Variants in PDZD7 observed in about 807,000 individuals in gnomAD.
PDZD7 encodes PDZ domain-containing protein 7.
In PDZD7, 72 loss-of-function variants were observed where a neutral mutation model predicts 84.7. That is an observed-to-expected ratio of 0.85 (90% CI 0.70 to 1.03). The LOEUF (loss-of-function observed/expected upper bound fraction) is 1.03, where lower values mean the gene tolerates loss of function less well. PDZD7 is among the 50% of genes least tolerant of loss of function. The probability of loss-of-function intolerance (pLI) is 0.00; values close to 1 mark genes in which losing one functional copy is unlikely to be tolerated. For synonymous variants in PDZD7, 594 were observed against 580.7 expected (o/e 1.02, Z -0.33); for missense variants, 1,490 against 1,412.9 (o/e 1.05, Z -0.87).
intron 8 of PDZD7, 92 bp downstream of exon 8, chr10:101,018,730 G>A: frequency 2.1e-6 from 3 of 1,449,232 alleles, no homozygotes; most frequent in Non-Finnish European, 2.7e-6. Flanking sequence ...CAAGGCCTGG[G>A]GCAAAGGGAG....
chr10:101,020,792 A>G, intron 6 of PDZD7, 114 bp from the exon 7 acceptor site: 1 of 786,944 alleles, frequency 1.3e-6, no homozygotes, highest in Non-Finnish European at 2.2e-6. Context: ...TCTGTCCTCC[A>G]AATTCATCAT....
Position 101,030,280 on chromosome 10 carries a change from C to T in PDZD7, c.-61G>A, listed in dbSNP as rs948024534. 2 of 1,443,798 alleles carry T rather than the reference C, an allele frequency of 1.4e-6. No individual in the cohort carries two copies. Among genetic ancestry groups the T allele is most frequent in the Admixed American group, 2.0e-5 (1 of 51,030 alleles). 89.4% of individuals were successfully genotyped at this position (1,443,798 alleles called of 1,614,324 possible). A position where few individuals can be genotyped will look rare whatever the true frequency, so the allele number is the denominator to read the frequency against. On this transcript the variant is annotated 5_prime_UTR_variant, in exon 2 of 17. Coordinates refer to ENST00000619208, the MANE Select transcript of PDZD7 (RefSeq NM_001195263.2). ...AAGGAATCTGCTAGCTCTGGAGAGG[C>T]CAGCCCTGCGTGCTTCGAGCTCCAT...
At chr10:101,012,104 G>A (rs1852414391) in intron 12 of PDZD7, 63 bp downstream of exon 12, 1 of 1,540,946 alleles carries the variant, frequency 6.5e-7, no homozygotes, top group South Asian at 1.2e-5. Context: ...GCCCTCGGGA[G>A]GTTGGGGGTG....
intron 5 of PDZD7, 36 bp from the exon 6 acceptor site, chr10:101,021,981 G>C: frequency 6.2e-7 from 1 of 1,612,628 alleles, no homozygotes; most frequent in Non-Finnish European, 8.5e-7. Context: ...ATAGGCCCCT[G>C]GCCTGCCCTC....
intron 2 of PDZD7, among the ~76,000 whole-genome samples, chr10:101,028,989 G>T (rs551747027): frequency 1.3e-5 from 2 of 152,366 alleles, no homozygotes; most frequent in East Asian, 3.9e-4. Context: ...TGCTGGGTCA[G>T]AGGGGGAGGA....
intron 2 of PDZD7, among the ~76,000 whole-genome samples, chr10:101,024,906 A>G (rs1215581925): frequency 6.6e-6 from 1 of 151,692 alleles, no homozygotes; most frequent in Non-Finnish European, 1.5e-5. Context: ...GGCCTGGGGT[A>G]AGCCAAATTA....
rs753244651 is a variant in PDZD7 at position 101,010,517 on chromosome 10, G to A, written c.2372C>T (p.Ser791Phe). Residue 791 changes from serine to phenylalanine, a missense_variant, in exon 15 of 17, where the codon TCT becomes TTT. Coordinates refer to ENST00000619208, the MANE Select transcript of PDZD7 (RefSeq NM_001195263.2). ...CGGGGATGGGGAGCGTCTACCTGGA[G>A]ACTTGCCTTGACCCCGGCTGCTGCG... ...RSRSSRGQGK[S>F]PGRRSPSPVP... 5.5e-5 allele frequency: 84 copies of A among 1,532,150 alleles called. No homozygotes were observed. In the African/African-American group the frequency reaches 8.5e-4, roughly 15 times the overall value. 94.9% of individuals were successfully genotyped at this position (1,532,150 alleles called of 1,614,324 possible).
At chr10:101,020,721 G>A in intron 6 of PDZD7, 43 bp from the exon 7 acceptor site, 1 of 1,490,716 alleles carries the variant, frequency 6.7e-7, no homozygotes, top group Non-Finnish European at 9.4e-7. Flanking sequence ...GGGGAGCAGT[G>A]AGGAGGGAGA....
At position 101,017,867 on chromosome 10, in the gene PDZD7, GAA is replaced by G. The variant is rs1197773962; in HGVS notation, c.1522+230_1522+231del. 18 of 418,532 alleles carry G rather than the reference GAA, an allele frequency of 4.3e-5. 1 individual carries two copies. Among genetic ancestry groups the G allele is most frequent in the Non-Finnish European group, 7.2e-5 (18 of 248,554 alleles). 25.9% of individuals were successfully genotyped at this position (418,532 alleles called of 1,614,324 possible). ...AGAAAGAAAGAAAGAAAGAAAGAAA[GAA>G]AGAAAGAAAGAAAGAAAGAAAGAAA... On this transcript the variant is annotated intron_variant, in intron 9 of 16. Transcript: ENST00000619208.
chr10:101,030,715 A>C (rs927133558), intron 1 of PDZD7: 4 of 249,060 alleles, frequency 1.6e-5, no homozygotes, highest in African/African-American at 9.0e-5. Flanking sequence ...AAGAGAGGTC[A>C]GGACAGCTCA....
intron 2 of PDZD7, among the ~76,000 whole-genome samples, chr10:101,028,875 A>G (rs1937880542): frequency 6.6e-6 from 1 of 152,174 alleles, no homozygotes; most frequent in African/African-American, 2.4e-5. Flanking sequence ...AGACTGGTGT[A>G]TGACAGGGGT....
At chr10:101,017,756 C>T (rs1195018362) in intron 9 of PDZD7, 16 of 531,938 alleles carry the variant, frequency 3.0e-5, no homozygotes, top group South Asian at 3.0e-4. Flanking sequence ...ATTACACTCT[C>T]GCCTGGGCAA....
rs1937990123 is a variant in PDZD7 at position 101,029,979 on chromosome 10, G to C, written c.226+15C>G. On this transcript the variant is annotated intron_variant, in intron 2 of 16. Coordinates refer to ENST00000619208, the MANE Select transcript of PDZD7 (RefSeq NM_001195263.2). ...CCCTCCCCAACCCAGGCCAGTGGCT[G>C]GGTCCCGCCCCTACCTTCGATGGGG... The C allele has an allele frequency of 6.3e-7, 1 of 1,593,704 alleles. No individual in the cohort carries two copies. Among genetic ancestry groups the C allele is most frequent in the Non-Finnish European group, 8.6e-7 (1 of 1,163,968 alleles).
At chr10:101,012,699 T>G (rs901402860) in intron 11 of PDZD7, among the ~76,000 whole-genome samples, 1 of 152,174 alleles carries the variant, frequency 6.6e-6, no homozygotes, top group African/African-American at 2.4e-5. Flanking sequence ...CGGAAAAGGA[T>G]GTGCAGGGAG....
Position 101,012,005 on chromosome 10 carries a change from G to A in PDZD7, c.1853C>T (p.Ala618Val), listed in dbSNP as rs1413697148. ...LLLQDIRSVV[A>V]PTDLGRFDSM... ...GTCGAAGCGGCCCAGGTCTGTGGGG[G>A]CCACCACACTCCTGGGAGAGGGCGA... Residue 618 changes from alanine to valine, a missense_variant, in exon 13 of 17, where the codon GCC becomes GTC. Physicochemically the swap from Ala to Val is moderately conservative, Grantham distance 64. Transcript: ENST00000619208. 6.4e-7 allele frequency: 1 copy of A among 1,550,436 alleles called. No homozygotes were observed. The highest frequency in any genetic ancestry group is 2.0e-5 in the Admixed American group (1 of 51,006).
chr10:101,021,770 C>A (rs762704556), intron 6 of PDZD7, 28 bp downstream of exon 6: 1 of 1,614,200 alleles, frequency 6.2e-7, no homozygotes, highest in Non-Finnish European at 8.5e-7. Context: ...CTAGCCTCAC[C>A]TCTCCCTACC....
Position 101,018,252 on chromosome 10 carries a change from C to G in PDZD7, c.1369G>C (p.Glu457Gln), listed in dbSNP as rs765289551. 1 of 1,614,088 alleles carries G rather than the reference C, an allele frequency of 6.2e-7. No homozygotes were observed. Among genetic ancestry groups the G allele is most frequent in the East Asian group, 2.2e-5 (1 of 44,886 alleles). The change falls in exon 9 of 17, where the codon GAG becomes CAG. Residue 457 changes from glutamate to glutamine, a missense_variant. Glu to Gln is a conservative substitution (Grantham distance 29). Transcript: ENST00000619208. Reference sequence around the variant, plus strand: ...TTGGAGCGCTGCAGGGCACCCTTCTCCCCAGGGGACCCCGACTTCTCCTTC... The same window carrying G: ...TTGGAGCGCTGCAGGGCACCCTTCTGCCCAGGGGACCCCGACTTCTCCTTC... ...RKKEKSGSPG[E>Q]KGALQRSKTL... is the part of the protein sequence containing the mutation.
chr10:101,022,055 C>T (rs959684920), intron 5 of PDZD7, 110 bp from the exon 6 acceptor site: 2 of 1,563,562 alleles, frequency 1.3e-6, no homozygotes, highest in African/African-American at 2.7e-5. Flanking sequence ...GTCCTTGACC[C>T]TCCTACTGGG....
In PDZD7 at chr10:101,011,721, T is replaced by G. The variant is rs1165379013; in HGVS notation, c.1974A>C (p.Pro658=). ...PALRPARQDT[P]PKRHLITPVP... is the part of the protein sequence containing the mutation. ...CGGGGGTGATAAGGTGACGCTTGGG[T>G]GGCGTGTCCTGCCGGGCTGGTCTCA... Residue 658 remains proline (P), a synonymous_variant, in exon 14 of 17, where the codon CCA becomes CCC. Transcript: ENST00000619208. 6.5e-7 allele frequency: 1 copy of G among 1,543,552 alleles called. No individual in the cohort carries two copies. The highest frequency in any genetic ancestry group is 2.0e-5 in the Admixed American group (1 of 50,982).
Sources: allele counts gnomAD v4.1 joint callset (sites outside exome capture counted in the v4.1 genomes callset), GRCh38; gene constraint gnomAD v4.1.1; transcripts MANE v1.5; gene names NCBI Gene and HGNC (gene_info 2026-07-23, HGNC 2026-07-21).